Variants in ADAMTS18 observed in about 807,000 individuals in gnomAD.
ADAMTS18 encodes A disintegrin and metalloproteinase with thrombospondin motifs 18.
A neutral mutation model predicts 165.9 loss-of-function variants in ADAMTS18; 157 were observed. That is an observed-to-expected ratio of 0.95 (90% CI 0.83 to 1.08). The LOEUF (loss-of-function observed/expected upper bound fraction) is 1.08. Ranked by LOEUF, ADAMTS18 falls within the 50% of genes least tolerant of loss-of-function variation. The probability of loss-of-function intolerance (pLI) is 0.00; values close to 1 mark genes in which losing one functional copy is unlikely to be tolerated. For synonymous variants in ADAMTS18, 782 were observed against 578.2 expected (o/e 1.35, Z -5.06); for missense variants, 2,040 against 1,534.0 (o/e 1.33, Z -5.51).
intron 3 of ADAMTS18, among the ~76,000 whole-genome samples, chr16:77,373,184 C>G (rs947475066): frequency 2.6e-5 from 4 of 152,158 alleles, no homozygotes; most frequent in African/African-American, 4.8e-5. Context: ...GCCGTACTCA[C>G]GACCCTATTG....
intron 3 of ADAMTS18, among the ~76,000 whole-genome samples, chr16:77,373,464 A>G (rs1366028506): frequency 1.4e-5 from 2 of 148,096 alleles, no homozygotes; most frequent in African/African-American, 5.2e-5. Flanking sequence ...GCCTCAAAAA[A>G]GAAAAAAAAA....
chr16:77,294,838 C>T, intron 19 of ADAMTS18, 85 bp downstream of exon 19: 1 of 1,312,064 alleles, frequency 7.6e-7, no homozygotes, highest in Non-Finnish European at 1.1e-6. Context: ...TGTAAACTGC[C>T]AAGAGCCCAG....
intron 3 of ADAMTS18, among the ~76,000 whole-genome samples, chr16:77,411,429 A>G (rs2057461295): frequency 6.6e-6 from 1 of 152,198 alleles, no homozygotes; most frequent in African/African-American, 2.4e-5. Context: ...ATATTTCATG[A>G]GTCAGTAGAT....
intron 16 of ADAMTS18, among the ~76,000 whole-genome samples, chr16:77,301,183 G>A (rs1367180510): frequency 6.6e-6 from 1 of 151,908 alleles, no homozygotes; most frequent in Non-Finnish European, 1.5e-5. Flanking sequence ...CACATATTGG[G>A]CACTTCCCAA....
chr16:77,378,698 G>A (rs1421213336), intron 3 of ADAMTS18, among the ~76,000 whole-genome samples: 3 of 152,084 alleles, frequency 2.0e-5, no homozygotes, highest in African/African-American at 4.8e-5. Context: ...CTGGGTGACA[G>A]AGTGAAACTG....
At position 77,430,360 on chromosome 16, in the gene ADAMTS18, T is replaced by G. The variant is rs368051127; in HGVS notation, c.495+935A>C. 3.1e-4 allele frequency among the ~76,000 whole-genome samples: 47 copies of G among 152,290 alleles called. No homozygotes were observed. The East Asian group carries it at 5.2e-3, about 17-fold the overall frequency. ...TAGGGGGAAAAAATTAAAAAGTAAC[T>G]GAAAGTTTCAACTAACAAAGAACAT... On this transcript the variant is annotated intron_variant, in intron 3 of 22. Coordinates refer to ENST00000282849, the MANE Select transcript of ADAMTS18 (RefSeq NM_199355.4).
intron 3 of ADAMTS18, among the ~76,000 whole-genome samples, chr16:77,411,677 ATTTTTTTT>A (rs34453966): frequency 4.1e-5 from 3 of 73,902 alleles, no homozygotes; most frequent in East Asian, 6.5e-4. Flanking sequence ...AGTATCCAGA[ATTTTTTTT>A]TTTTTTTTTT....
intron 16 of ADAMTS18, among the ~76,000 whole-genome samples, chr16:77,306,985 G>A (rs149628704): frequency 3.8e-4 from 58 of 152,284 alleles, no homozygotes; most frequent in Non-Finnish European, 6.2e-4. Flanking sequence ...TGTGTTAACT[G>A]CTGGAAAGAC....
intron 13 of ADAMTS18, 132 bp from the exon 14 acceptor site, chr16:77,322,598 C>T (rs1209305528): frequency 6.5e-6 from 7 of 1,083,418 alleles, no homozygotes; most frequent in Non-Finnish European, 9.5e-6. Flanking sequence ...TGTGTTTGCA[C>T]ATATAAGCCC....
chr16:77,339,166 C>T (rs2056359516), intron 11 of ADAMTS18, among the ~76,000 whole-genome samples: 1 of 152,042 alleles, frequency 6.6e-6, no homozygotes, highest in Middle Eastern at 3.2e-3. Context: ...CACTGGCCCT[C>T]ATGAAATTTA....
In ADAMTS18 at chr16:77,418,548, T is replaced by A. The variant is rs74987834; in HGVS notation, c.495+12747A>T. ...AATTATCCATCCTAACAAACCAATA[T>A]GTCTCCAGACAGCTTCCCCCTAGAA... On this transcript the variant is annotated intron_variant, in intron 3 of 22. Coordinates refer to ENST00000282849, the MANE Select transcript of ADAMTS18 (RefSeq NM_199355.4). 3.0e-3 allele frequency among the ~76,000 whole-genome samples: 458 copies of A among 152,256 alleles called. 4 individuals are homozygous for A. The highest frequency in any genetic ancestry group is 0.01 in the African/African-American group (435 of 41,540).
intron 3 of ADAMTS18, among the ~76,000 whole-genome samples, chr16:77,368,370 T>C (rs1248469200): frequency 6.6e-6 from 1 of 152,028 alleles, no homozygotes; most frequent in Non-Finnish European, 1.5e-5. Context: ...CACCACTGGA[T>C]AGAGTGATGA....
At chr16:77,380,917 A>G (rs561818294) in intron 3 of ADAMTS18, among the ~76,000 whole-genome samples, 9 of 152,236 alleles carry the variant, frequency 5.9e-5, no homozygotes, top group African/African-American at 1.4e-4. Context: ...TCTGTCACCC[A>G]TGCTGGAGTA....
At position 77,297,916 on chromosome 16, in the gene ADAMTS18, CTTTTTTTTTTTTTTT is replaced by C. The variant is rs34422251; in HGVS notation, c.2675-516_2675-502del. On this transcript the variant is annotated intron_variant, in intron 17 of 22. Transcript: ENST00000282849. ...CCTATCAGCCAGGGCTCTGCTTTTG[CTTTTTTTTTTTTTTT>C]TTTTTTTTTTTGAGATGGAGTCTCA... Among the ~76,000 whole-genome samples the C allele has an allele frequency of 1.6e-4, 10 of 61,534 alleles. 1 individual carries two copies. The Admixed American group carries it at 2.6e-3, about 16-fold the overall frequency. 40.4% of individuals were successfully genotyped at this position (61,534 alleles called of 152,430 possible).
chr16:77,409,892 C>G (rs1040899430), intron 3 of ADAMTS18, among the ~76,000 whole-genome samples: 1 of 151,828 alleles, frequency 6.6e-6, no homozygotes, highest in East Asian at 1.9e-4. Flanking sequence ...AAGATTTATT[C>G]GGTGATTCCA....
intron 3 of ADAMTS18, among the ~76,000 whole-genome samples, chr16:77,369,461 G>A (rs2343051): frequency 0.26 from 39,606 of 151,968 alleles, 5,823 homozygotes; most frequent in East Asian, 0.57. Flanking sequence ...AATTTTGGAT[G>A]TAGGTGGTTA....
At chr16:77,408,218 G>C (rs1425193039) in intron 3 of ADAMTS18, among the ~76,000 whole-genome samples, 5 of 152,126 alleles carry the variant, frequency 3.3e-5, no homozygotes, top group Non-Finnish European at 7.4e-5. Flanking sequence ...TACTGGCAAA[G>C]ATGAGGAACA....
At chr16:77,347,405 C>T (rs1244532261) in intron 10 of ADAMTS18, among the ~76,000 whole-genome samples, 1 of 152,126 alleles carries the variant, frequency 6.6e-6, no homozygotes, top group African/African-American at 2.4e-5. Context: ...AATGATTATA[C>T]CACTTGACAC....
At chr16:77,303,379 A>G (rs2055621805) in intron 16 of ADAMTS18, among the ~76,000 whole-genome samples, 1 of 152,244 alleles carries the variant, frequency 6.6e-6, no homozygotes, top group Non-Finnish European at 1.5e-5. Flanking sequence ...TTAAGAGTAT[A>G]TCAATGTCTA....
Sources: gnomAD v4.1 joint callset for allele counts (sites outside exome capture counted in the v4.1 genomes callset) on GRCh38, gnomAD v4.1.1 for gene constraint, MANE v1.5 for transcripts, NCBI Gene and HGNC (gene_info 2026-07-23, HGNC 2026-07-21) for gene names.